The following GABRB2 variants were observed in gnomAD, a reference collection of about 807,000 sequenced individuals.
The protein encoded by GABRB2 is gamma-aminobutyric acid type A receptor subunit beta2.
GABRB2 carries 16 observed loss-of-function variants against 54.7 expected under a neutral mutation model. That is an observed-to-expected ratio of 0.29 (90% CI 0.20 to 0.44). GABRB2 has a LOEUF of 0.44. Ranked by LOEUF, GABRB2 falls within the 20% of genes least tolerant of loss-of-function variation. The probability of loss-of-function intolerance (pLI) is 1.00; values close to 1 mark genes in which losing one functional copy is unlikely to be tolerated. For missense variants in GABRB2, 355 were observed against 644.0 expected, an observed-to-expected ratio of 0.55 and a Z score of 4.86; for synonymous variants, 244 against 233.8, an observed-to-expected ratio of 1.04 and a Z score of -0.40.
At chr5:161,305,531 T>A (rs1250822914) in intron 9 of GABRB2, among the ~76,000 whole-genome samples, 1 of 152,178 alleles carries the variant, frequency 6.6e-6, no homozygotes, top group Non-Finnish European at 1.5e-5. Flanking sequence ...TGAGCTTACA[T>A]CCTGACAGGT....
chr5:161,332,163 C>T (rs1753869329), intron 7 of GABRB2, among the ~76,000 whole-genome samples: 1 of 55,024 alleles, frequency 1.8e-5, no homozygotes, highest in East Asian at 4.5e-4. Flanking sequence ...AAGACTCCGT[C>T]TCAAAAAAAA....
chr5:161,304,557 GTAT>G, intron 9 of GABRB2, among the ~76,000 whole-genome samples: 1 of 152,056 alleles, frequency 6.6e-6, no homozygotes, highest in South Asian at 2.1e-4. Flanking sequence ...TTGTGGCTTG[GTAT>G]CTTCCATTTC....
chr5:161,359,415 C>A (rs1371206166), intron 5 of GABRB2, among the ~76,000 whole-genome samples: 1 of 143,976 alleles, frequency 6.9e-6, no homozygotes, highest in Non-Finnish European at 1.5e-5. Flanking sequence ...AATGTAATAC[C>A]TTTCAAGAGC....
intron 5 of GABRB2, among the ~76,000 whole-genome samples, chr5:161,406,147 G>T (rs1050444593): frequency 6.6e-6 from 1 of 152,106 alleles, no homozygotes; most frequent in African/African-American, 2.4e-5. Flanking sequence ...ATAAAACCAT[G>T]AAGGGATTAT....
chr5:161,397,086 C>A (rs1285641782), intron 5 of GABRB2, among the ~76,000 whole-genome samples: 1 of 152,140 alleles, frequency 6.6e-6, no homozygotes, highest in South Asian at 2.1e-4. Flanking sequence ...TTTTGTTAAA[C>A]CTTAAGGTAC....
chr5:161,448,677 C>T (rs1757705317), intron 4 of GABRB2, among the ~76,000 whole-genome samples: 1 of 152,078 alleles, frequency 6.6e-6, no homozygotes, highest in Admixed American at 6.6e-5. Context: ...TGAAATAGAA[C>T]AGATTTTCAA....
chr5:161,388,277 A>G (rs1356051731), intron 5 of GABRB2, among the ~76,000 whole-genome samples: 1 of 152,144 alleles, frequency 6.6e-6, no homozygotes, highest in Non-Finnish European at 1.5e-5. Flanking sequence ...TCAGCAGAAA[A>G]GATACTCAAA....
intron 4 of GABRB2, among the ~76,000 whole-genome samples, chr5:161,419,430 C>T (rs1212531591): frequency 6.6e-6 from 1 of 152,126 alleles, no homozygotes; most frequent in Non-Finnish European, 1.5e-5. Context: ...AATAGAGCTA[C>T]CAACCAACCA....
intron 3 of GABRB2, among the ~76,000 whole-genome samples, chr5:161,539,549 A>T (rs1760748807): frequency 6.6e-6 from 1 of 152,242 alleles, no homozygotes; most frequent in African/African-American, 2.4e-5. Flanking sequence ...GTTGCAAGCC[A>T]AGTTAATATA....
intron 9 of GABRB2, among the ~76,000 whole-genome samples, chr5:161,316,695 T>TC (rs1188771389): frequency 6.6e-6 from 1 of 152,028 alleles, no homozygotes; most frequent in Admixed American, 6.6e-5. Flanking sequence ...GAAAACCACC[T>TC]CCATCTCCTG....
At chr5:161,424,344 G>T (rs1378919489) in intron 4 of GABRB2, among the ~76,000 whole-genome samples, 1 of 152,102 alleles carries the variant, frequency 6.6e-6, no homozygotes. Flanking sequence ...AAGCTTGAAA[G>T]GACAGGCTGA....
intron 8 of GABRB2, 38 bp from the exon 9 acceptor site, chr5:161,326,519 T>G (rs183854295): frequency 1.9e-6 from 3 of 1,601,808 alleles, no homozygotes; most frequent in Admixed American, 1.7e-5. Flanking sequence ...ATTAAGTCGA[T>G]TGATGCTACT....
In GABRB2 at chr5:161,291,766, A is replaced by G. The variant is rs896066937; in HGVS notation, c.*2315T>C. 5.9e-5 allele frequency: 9 copies of G among 152,728 alleles called. No individual in the cohort carries two copies. The highest frequency in any genetic ancestry group is 1.0e-4 in the Non-Finnish European group (7 of 68,004). 9.5% of individuals were successfully genotyped at this position (152,728 alleles called of 1,614,324 possible). Reference sequence around the variant, plus strand: ...TTTATGGCTTGTACAGTGATTGCACATAAGAGCCCACTTCTACACTTGGGC... The same window carrying G: ...TTTATGGCTTGTACAGTGATTGCACGTAAGAGCCCACTTCTACACTTGGGC... On this transcript the variant is annotated 3_prime_UTR_variant, in exon 10 of 10. Transcript: ENST00000393959.
chr5:161,385,945 C>CGG (rs1561631706), intron 5 of GABRB2, among the ~76,000 whole-genome samples: 9 of 138,446 alleles, frequency 6.5e-5, no homozygotes, highest in Non-Finnish European at 1.4e-4. Flanking sequence ...TACCTATTGT[C>CGG]TGGTGTGTGT....
At chr5:161,450,377 G>GT (rs897669729) in intron 4 of GABRB2, among the ~76,000 whole-genome samples, 1 of 152,080 alleles carries the variant, frequency 6.6e-6, no homozygotes, top group East Asian at 1.9e-4. Flanking sequence ...CTCTTTAAGT[G>GT]TTTTTTATTT....
intron 3 of GABRB2, among the ~76,000 whole-genome samples, chr5:161,462,352 T>A (rs557389664): frequency 6.6e-6 from 1 of 152,252 alleles, no homozygotes; most frequent in South Asian, 2.1e-4. Flanking sequence ...AGTAAAAGGA[T>A]CAGATATATA....
Position 161,384,264 on chromosome 5 carries a change from T to C in GABRB2, c.541+26711A>G, listed in dbSNP as rs181076977. 5.9e-5 allele frequency among the ~76,000 whole-genome samples: 9 copies of C among 152,346 alleles called. No homozygotes were observed. The East Asian group carries it at 9.6e-4, about 16-fold the overall frequency. On this transcript the variant is annotated intron_variant, in intron 5 of 9. Transcript: ENST00000393959. ...CACTGCAAAACTACCTTTATAAATATGGAATAAGGAATTTATTCACAGAGA... is the reference window on the plus strand; with the variant it reads ...CACTGCAAAACTACCTTTATAAATACGGAATAAGGAATTTATTCACAGAGA...
At chr5:161,354,938 C>T (rs1754571474) in intron 5 of GABRB2, among the ~76,000 whole-genome samples, 1 of 151,934 alleles carries the variant, frequency 6.6e-6, no homozygotes, top group Non-Finnish European at 1.5e-5. Flanking sequence ...ACTATACTGG[C>T]CCTCTCTTTT....
At chr5:161,404,647 A>G (rs1265682541) in intron 5 of GABRB2, among the ~76,000 whole-genome samples, 4 of 152,146 alleles carry the variant, frequency 2.6e-5, no homozygotes, top group Non-Finnish European at 5.9e-5. Context: ...ATGTATTCCT[A>G]TGAGGAAAAT....
Sources: gnomAD v4.1 joint callset for allele counts (sites outside exome capture counted in the v4.1 genomes callset) on GRCh38, gnomAD v4.1.1 for gene constraint, MANE v1.5 for transcripts, NCBI Gene and HGNC (gene_info 2026-07-23, HGNC 2026-07-21) for gene names.